Variants in STXBP5L observed in about 807,000 individuals in gnomAD.
STXBP5L encodes the protein syntaxin-binding protein 5-like.
A neutral mutation model predicts 144.5 loss-of-function variants in STXBP5L; 65 were observed. That is an observed-to-expected ratio of 0.45 (90% CI 0.37 to 0.55). The LOEUF is 0.55. STXBP5L is among the 20% of genes least tolerant of loss of function. The pLI, the probability that STXBP5L is intolerant of heterozygous loss-of-function variation, is 0.00. For missense variants in STXBP5L, 1,298 were observed against 1,405.5 expected, an observed-to-expected ratio of 0.92 and a Z score of 1.22; for synonymous variants, 505 against 469.6, an observed-to-expected ratio of 1.08 and a Z score of -0.97.
intron 4 of STXBP5L, among the ~76,000 whole-genome samples, 156 bp from the exon 5 acceptor site, chr3:121,045,279 C>T (rs189749508): frequency 2.1e-4 from 32 of 152,242 alleles, no homozygotes; most frequent in African/African-American, 7.2e-4. Context: ...TCTTACCCTT[C>T]CTGATTGAAG....
intron 9 of STXBP5L, among the ~76,000 whole-genome samples, chr3:121,161,587 A>ATCAGCTG (rs2046323745): frequency 6.6e-6 from 1 of 151,986 alleles, no homozygotes; most frequent in Non-Finnish European, 1.5e-5. Context: ...TTGCTGGATC[A>ATCAGCTG]TCAGCTGTTT....
intron 5 of STXBP5L, among the ~76,000 whole-genome samples, chr3:121,089,128 AGAG>A (rs71830264): frequency 0.37 from 48,297 of 131,818 alleles, 9,302 homozygotes; most frequent in Non-Finnish European, 0.39. Flanking sequence ...AGAAGCTCCA[AGAG>A]GAGAAGGAAA....
At chr3:120,988,258 A>G (rs1942495736) in intron 3 of STXBP5L, among the ~76,000 whole-genome samples, 1 of 151,056 alleles carries the variant, frequency 6.6e-6, no homozygotes, top group African/African-American at 2.4e-5. Context: ...AAGTGTTATT[A>G]ATTATTCTCT....
At chr3:121,031,695 G>C (rs1946379957) in intron 3 of STXBP5L, among the ~76,000 whole-genome samples, 1 of 152,082 alleles carries the variant, frequency 6.6e-6, no homozygotes, top group Non-Finnish European at 1.5e-5. Context: ...GCAAGATTTA[G>C]ACTGGTATTT....
intron 20 of STXBP5L, among the ~76,000 whole-genome samples, chr3:121,367,804 T>TTTTTTTC: frequency 6.8e-6 from 1 of 146,208 alleles, no homozygotes; most frequent in Non-Finnish European, 1.5e-5. Flanking sequence ...TTTTTTTTTT[T>TTTTTTTC]TGTAGAGACC....
chr3:121,410,987 C>T (rs1297586207), intron 23 of STXBP5L, among the ~76,000 whole-genome samples: 1 of 152,006 alleles, frequency 6.6e-6, no homozygotes, highest in Non-Finnish European at 1.5e-5. Context: ...CTCAACTCCA[C>T]CCTTTAATTT....
chr3:120,921,607 G>T (rs1709361916), intron 2 of STXBP5L, among the ~76,000 whole-genome samples: 1 of 151,898 alleles, frequency 6.6e-6, no homozygotes, highest in African/African-American at 2.4e-5. Context: ...CATAATTTTA[G>T]TTCTTAGATT....
At chr3:121,006,064 A>G (rs1011004739) in intron 3 of STXBP5L, among the ~76,000 whole-genome samples, 45 of 152,132 alleles carry the variant, frequency 3.0e-4, no homozygotes, top group African/African-American at 1.1e-3. Flanking sequence ...GATGTCTGTT[A>G]GGTCTGCTTG....
At chr3:121,171,436 A>T (rs749783292) in intron 9 of STXBP5L, among the ~76,000 whole-genome samples, 36 of 152,230 alleles carry the variant, frequency 2.4e-4, no homozygotes, top group Non-Finnish European at 4.1e-4. Flanking sequence ...AGCAGATGAC[A>T]TGATTTTATA....
At chr3:121,348,217 T>C (rs1274752759) in intron 20 of STXBP5L, among the ~76,000 whole-genome samples, 2 of 152,300 alleles carry the variant, frequency 1.3e-5, no homozygotes, top group South Asian at 4.1e-4. Flanking sequence ...GAGATAATCA[T>C]GTGGTTTTTG....
intron 3 of STXBP5L, among the ~76,000 whole-genome samples, chr3:120,988,908 CAT>C (rs1942564353): frequency 1.3e-5 from 2 of 152,178 alleles, no homozygotes; most frequent in East Asian, 1.9e-4. Context: ...CAAGTGAGAA[CAT>C]GTGATATTTG....
chr3:121,044,529 T>C (rs2107562021), intron 4 of STXBP5L, among the ~76,000 whole-genome samples: 1 of 152,266 alleles, frequency 6.6e-6, no homozygotes, highest in East Asian at 1.9e-4. Flanking sequence ...GCCTTTTAGG[T>C]ATCTCTGGAC....
At chr3:121,394,356 A>T (rs1490365847) in intron 22 of STXBP5L, among the ~76,000 whole-genome samples, 2 of 151,574 alleles carry the variant, frequency 1.3e-5, no homozygotes, top group African/African-American at 4.8e-5. Context: ...AAGGTCATAT[A>T]ATCAGTGAAC....
chr3:121,170,745 C>A (rs1218381178), intron 9 of STXBP5L, among the ~76,000 whole-genome samples: 1 of 152,058 alleles, frequency 6.6e-6, no homozygotes, highest in African/African-American at 2.4e-5. Flanking sequence ...GGATTCACAG[C>A]CGAATTCTCC....
intron 3 of STXBP5L, among the ~76,000 whole-genome samples, chr3:121,010,038 T>G (rs1944653085): frequency 6.6e-6 from 1 of 151,904 alleles, no homozygotes. Flanking sequence ...CAAGTGTGAT[T>G]GAAATACCAC....
intron 7 of STXBP5L, among the ~76,000 whole-genome samples, chr3:121,130,747 A>C (rs1211450520): frequency 6.6e-6 from 1 of 152,162 alleles, no homozygotes; most frequent in Non-Finnish European, 1.5e-5. Context: ...CGATAATTTA[A>C]AATTCAGAAA....
At chr3:120,952,761 A>G (rs934480093) in intron 2 of STXBP5L, among the ~76,000 whole-genome samples, 1 of 152,120 alleles carries the variant, frequency 6.6e-6, no homozygotes, top group Admixed American at 6.6e-5. Context: ...TTATCAATAA[A>G]CAATATCCTT....
chr3:121,120,636 G>C (rs2044415583), intron 6 of STXBP5L, among the ~76,000 whole-genome samples: 1 of 151,206 alleles, frequency 6.6e-6, no homozygotes, highest in Non-Finnish European at 1.5e-5. Context: ...ATGAATCTGT[G>C]TTTATTCCCC....
chr3:121,193,533 T>C (rs1559849337), intron 9 of STXBP5L, among the ~76,000 whole-genome samples: 1 of 152,206 alleles, frequency 6.6e-6, no homozygotes, highest in Non-Finnish European at 1.5e-5. Context: ...GTATGTTTAT[T>C]GTGGCACTAC....
Sources: allele counts gnomAD v4.1 joint callset (sites outside exome capture counted in the v4.1 genomes callset), GRCh38; gene constraint gnomAD v4.1.1; transcripts MANE v1.5; gene names NCBI Gene and HGNC (gene_info 2026-07-23, HGNC 2026-07-21).